The following TECRL variants were observed in gnomAD, a reference collection of about 807,000 sequenced individuals.
The protein encoded by TECRL is trans-2,3-enoyl-CoA reductase like.
In TECRL, 63 loss-of-function variants were observed where a neutral mutation model predicts 52.8. The observed-to-expected ratio is 1.19, with a 90% CI of 0.97 to 1.47. TECRL has a LOEUF of 1.47. Ranked by LOEUF, TECRL falls within the 40% of genes most tolerant of loss-of-function variation. The probability of loss-of-function intolerance (pLI) is 0.00; values close to 1 mark genes in which losing one functional copy is unlikely to be tolerated. For missense variants in TECRL, 482 were observed against 429.6 expected (o/e 1.12, Z -1.08); for synonymous variants, 164 against 141.9 (o/e 1.16, Z -1.10).
intron 4 of TECRL, 33 bp downstream of exon 4, chr4:64,322,656 G>T (rs780810973): frequency 2.1e-6 from 3 of 1,441,332 alleles, no homozygotes; most frequent in South Asian, 1.3e-5. Flanking sequence ...CAAAATATGA[G>T]AAATGTATAT....
At chr4:64,366,013 A>G (rs778032342) in intron 2 of TECRL, among the ~76,000 whole-genome samples, 2 of 152,158 alleles carry the variant, frequency 1.3e-5, no homozygotes, top group Non-Finnish European at 2.9e-5. Context: ...TCAAAACAGT[A>G]TGGTACTAGT....
intron 8 of TECRL, among the ~76,000 whole-genome samples, chr4:64,298,473 C>T (rs1232042308): frequency 6.6e-6 from 1 of 150,906 alleles, no homozygotes; most frequent in African/African-American, 2.4e-5. Flanking sequence ...TCTAATTATG[C>T]CTCTTAACAT....
intron 7 of TECRL, among the ~76,000 whole-genome samples, chr4:64,300,388 C>A (rs1321378617): frequency 1.3e-5 from 2 of 150,452 alleles, no homozygotes; most frequent in African/African-American, 4.9e-5. Context: ...AAGGAAAATG[C>A]TGATTATAGT....
At chr4:64,328,018 A>G (rs1718378789) in intron 3 of TECRL, among the ~76,000 whole-genome samples, 8 of 151,982 alleles carry the variant, frequency 5.3e-5, no homozygotes, top group Admixed American at 4.6e-4. Context: ...AGCCATTTTT[A>G]AGTGCATTTA....
chr4:64,378,704 A>C (rs990574593), intron 1 of TECRL, among the ~76,000 whole-genome samples: 1 of 152,044 alleles, frequency 6.6e-6, no homozygotes, highest in Non-Finnish European at 1.5e-5. Flanking sequence ...GAATAGCAAG[A>C]ATTTTCACTA....
chr4:64,305,300 G>T, intron 6 of TECRL, 62 bp from the exon 7 acceptor site: 1 of 1,457,232 alleles, frequency 6.9e-7, no homozygotes, highest in South Asian at 1.2e-5. Context: ...TTTCAATTGT[G>T]ACATACATTT....
intron 2 of TECRL, among the ~76,000 whole-genome samples, chr4:64,373,912 T>C (rs1035757485): frequency 6.7e-6 from 1 of 148,350 alleles, no homozygotes; most frequent in African/African-American, 2.5e-5. Flanking sequence ...ACACCAAAAA[T>C]ACTTATATAT....
chr4:64,393,240 CT>C (rs1362086508), intron 1 of TECRL, among the ~76,000 whole-genome samples: 1 of 151,850 alleles, frequency 6.6e-6, no homozygotes, highest in Non-Finnish European at 1.5e-5. Flanking sequence ...TGACTGAAAT[CT>C]TTGGCAAAAA....
At chr4:64,304,646 T>C (rs1171960426) in intron 7 of TECRL, among the ~76,000 whole-genome samples, 1 of 152,046 alleles carries the variant, frequency 6.6e-6, no homozygotes, top group Non-Finnish European at 1.5e-5. Flanking sequence ...GCAAACTTTT[T>C]CCTTGAAGAT....
rs1169447162 is a variant in TECRL, at chr4:64,278,802, T to C, written c.*1270A>G. The C allele has an allele frequency of 1.3e-5, 2 of 152,180 alleles. No homozygotes were observed. Among genetic ancestry groups the C allele is most frequent in the African/African-American group, 4.8e-5 (2 of 41,444 alleles). 9.4% of individuals were successfully genotyped at this position (152,180 alleles called of 1,614,324 possible). ...CCAGCCTGTAGTATCCTCTGTTTTA[T>C]TTTTTACTTCTATGATATCAATTTT... On this transcript the variant is annotated 3_prime_UTR_variant, in exon 12 of 12. Transcript: ENST00000381210.
At chr4:64,296,365 A>T (rs922789566) in intron 8 of TECRL, among the ~76,000 whole-genome samples, 1 of 151,860 alleles carries the variant, frequency 6.6e-6, no homozygotes, top group African/African-American at 2.4e-5. Flanking sequence ...CCTACTTGAT[A>T]AAAGCATATT....
intron 9 of TECRL, among the ~76,000 whole-genome samples, chr4:64,281,804 A>C (rs1389860293): frequency 6.6e-6 from 1 of 151,940 alleles, no homozygotes; most frequent in African/African-American, 2.4e-5. Context: ...GTAACACTGC[A>C]GAGTACATAA....
intron 4 of TECRL, among the ~76,000 whole-genome samples, chr4:64,319,578 A>G (rs1304088260): frequency 1.3e-5 from 2 of 151,916 alleles, no homozygotes; most frequent in African/African-American, 2.4e-5. Flanking sequence ...TCTACATTAC[A>G]TAAAGAATTC....
chr4:64,322,104 C>G (rs952276556), intron 4 of TECRL, among the ~76,000 whole-genome samples: 2 of 152,160 alleles, frequency 1.3e-5, no homozygotes, highest in Non-Finnish European at 2.9e-5. Context: ...TCTACCTAAG[C>G]TCATTCCTCA....
At chr4:64,327,262 A>G (rs1002441022) in intron 3 of TECRL, among the ~76,000 whole-genome samples, 3 of 152,012 alleles carry the variant, frequency 2.0e-5, no homozygotes, top group African/African-American at 4.8e-5. Context: ...TATTTTACTC[A>G]TCTCACACCC....
At chr4:64,335,272 T>C (rs958701226) in intron 2 of TECRL, among the ~76,000 whole-genome samples, 9 of 152,144 alleles carry the variant, frequency 5.9e-5, no homozygotes, top group Non-Finnish European at 1.0e-4. Context: ...AGTGGCAGCA[T>C]TAGATTCTCA....
chr4:64,370,947 A>C (rs539245388), intron 2 of TECRL, among the ~76,000 whole-genome samples: 1 of 151,832 alleles, frequency 6.6e-6, no homozygotes, highest in African/African-American at 2.4e-5. Flanking sequence ...AAAATATTTA[A>C]TAAAGGGCAT....
chr4:64,289,173 G>T (rs769806453), intron 9 of TECRL, among the ~76,000 whole-genome samples: 5 of 152,134 alleles, frequency 3.3e-5, no homozygotes, highest in African/African-American at 9.7e-5. Flanking sequence ...TAGCTATAAT[G>T]ATTTAAAATT....
intron 5 of TECRL, among the ~76,000 whole-genome samples, chr4:64,310,150 C>T (rs1219665196): frequency 2.6e-5 from 4 of 152,106 alleles, no homozygotes; most frequent in African/African-American, 7.2e-5. Flanking sequence ...AAATTTACTT[C>T]TGATGACATT....
Sources: allele counts gnomAD v4.1 joint callset (sites outside exome capture counted in the v4.1 genomes callset), GRCh38; gene constraint gnomAD v4.1.1; transcripts MANE v1.5; gene names NCBI Gene and HGNC (gene_info 2026-07-23, HGNC 2026-07-21).